The following CADM2 variants were observed in gnomAD, a reference collection of about 807,000 sequenced individuals.
The protein encoded by CADM2 is immunoglobulin superfamily member 4D.
CADM2 carries 12 observed loss-of-function variants against 49.8 expected under a neutral mutation model. The ratio of observed to expected loss-of-function variants is 0.24; its 90% CI spans 0.15 to 0.39. CADM2 has a LOEUF of 0.39. Among genes scored for constraint, CADM2 ranks in the 10% least tolerant of loss-of-function variants. CADM2 has a pLI of 1.00. For missense variants in CADM2, 378 were observed against 492.3 expected (o/e 0.77, Z 2.20); for synonymous variants, 214 against 175.4 (o/e 1.22, Z -1.74).
intron 1 of CADM2, among the ~76,000 whole-genome samples, chr3:85,216,317 A>G (rs558363061): frequency 2.7e-5 from 4 of 147,418 alleles, no homozygotes; most frequent in Non-Finnish European, 6.0e-5. Flanking sequence ...TATTTAACAT[A>G]TTAATATATA....
At chr3:85,897,671 A>G (rs1715440437) in intron 5 of CADM2, among the ~76,000 whole-genome samples, 1 of 152,098 alleles carries the variant, frequency 6.6e-6, no homozygotes, top group Non-Finnish European at 1.5e-5. Flanking sequence ...AGCTTTGTGG[A>G]AACTACTTGA....
At chr3:85,456,627 TATTTATTAATTACTC>T (rs2038002665) in intron 1 of CADM2, among the ~76,000 whole-genome samples, 1 of 152,146 alleles carries the variant, frequency 6.6e-6, no homozygotes, top group Non-Finnish European at 1.5e-5. Context: ...GATAAGATTT[TATTTATTAATTACTC>T]AAATATAAAT....
chr3:85,012,917 G>C (rs2034063705), intron 1 of CADM2, among the ~76,000 whole-genome samples: 1 of 151,554 alleles, frequency 6.6e-6, no homozygotes, highest in Non-Finnish European at 1.5e-5. Context: ...CATTTGCTCT[G>C]TTTTCCATTG....
intron 1 of CADM2, among the ~76,000 whole-genome samples, chr3:85,219,179 C>A (rs779140336): frequency 6.6e-6 from 1 of 152,186 alleles, no homozygotes; most frequent in Non-Finnish European, 1.5e-5. Context: ...TGATCCAACA[C>A]TCCAAATGTA....
chr3:85,662,479 C>G (rs1279561085), intron 1 of CADM2, among the ~76,000 whole-genome samples: 1 of 151,860 alleles, frequency 6.6e-6, no homozygotes, highest in East Asian at 1.9e-4. Context: ...AAATAGAAAA[C>G]TTCTCAAACC....
chr3:85,571,411 T>C lies in CADM2; in HGVS notation c.62-155111T>C, dbSNP rs541314861. On this transcript the variant is annotated intron_variant, in intron 1 of 9. Coordinates refer to ENST00000383699, the MANE Select transcript of CADM2 (RefSeq NM_001167675.2). The stretch of plus-strand genomic sequence containing the variant: ...CTTGCAATTATAATTGTCCAGATGT[T>C]TTTTTTTTCTGCTGAAATTTTGCAG... Among the ~76,000 whole-genome samples the C allele has an allele frequency of 1.3e-3, 199 of 151,566 alleles. 3 individuals are homozygous for C. In the East Asian group the frequency reaches 0.031, roughly 24 times the overall value.
intron 1 of CADM2, among the ~76,000 whole-genome samples, chr3:85,150,642 C>T (rs1010948129): frequency 2.6e-5 from 4 of 151,880 alleles, no homozygotes; most frequent in Admixed American, 6.6e-5. Context: ...TTGTGGCTCA[C>T]GCCTATAATC....
chr3:85,543,799 G>A (rs1199391648), intron 1 of CADM2, among the ~76,000 whole-genome samples: 2 of 152,124 alleles, frequency 1.3e-5, no homozygotes, highest in Non-Finnish European at 2.9e-5. Flanking sequence ...TTTATATAAT[G>A]GCATGTATTG....
intron 1 of CADM2, among the ~76,000 whole-genome samples, chr3:85,662,594 C>G (rs1211600034): frequency 6.6e-6 from 1 of 152,036 alleles, no homozygotes; most frequent in Non-Finnish European, 1.5e-5. Flanking sequence ...GGAGCAACTT[C>G]AGGTCTCTGC....
At chr3:85,562,493 A>AG (rs1382203862) in intron 1 of CADM2, among the ~76,000 whole-genome samples, 1 of 151,302 alleles carries the variant, frequency 6.6e-6, no homozygotes. Context: ...AAAAAAAAAA[A>AG]AAAAAAAAAA....
At chr3:85,874,752 G>A (rs1205294901) in intron 3 of CADM2, among the ~76,000 whole-genome samples, 2 of 152,028 alleles carry the variant, frequency 1.3e-5, no homozygotes, top group African/African-American at 4.8e-5. Context: ...AAACACCTAG[G>A]GAAATACTGT....
intron 1 of CADM2, among the ~76,000 whole-genome samples, chr3:85,107,271 A>C (rs879541116): frequency 1.2e-4 from 18 of 152,192 alleles, no homozygotes; most frequent in Non-Finnish European, 1.5e-4. Flanking sequence ...ATATATATGG[A>C]TATTTCATAA....
At chr3:86,057,373 T>A (rs1315973730) in intron 8 of CADM2, among the ~76,000 whole-genome samples, 1 of 152,146 alleles carries the variant, frequency 6.6e-6, no homozygotes, top group Non-Finnish European at 1.5e-5. Flanking sequence ...AAAGCAGTAA[T>A]TAAGTACATA....
At chr3:86,062,586 T>C (rs1738801133) in intron 8 of CADM2, among the ~76,000 whole-genome samples, 1 of 151,932 alleles carries the variant, frequency 6.6e-6, no homozygotes, top group Non-Finnish European at 1.5e-5. Context: ...GAGACTAGCC[T>C]GGCCAACATG....
chr3:86,009,404 G>GA, intron 8 of CADM2, among the ~76,000 whole-genome samples: 1 of 151,366 alleles, frequency 6.6e-6, no homozygotes, highest in Middle Eastern at 3.4e-3. Flanking sequence ...GAAGGCTTTG[G>GA]AAAATTTATT....
chr3:85,365,325 A>G (rs2032690674), intron 1 of CADM2, among the ~76,000 whole-genome samples: 1 of 151,664 alleles, frequency 6.6e-6, no homozygotes, highest in South Asian at 2.1e-4. Flanking sequence ...CCTGACTGAT[A>G]CAGTTAATGT....
intron 3 of CADM2, among the ~76,000 whole-genome samples, chr3:85,846,199 A>T (rs184584357): frequency 4.6e-5 from 7 of 152,320 alleles, no homozygotes; most frequent in Admixed American, 2.0e-4. Context: ...TAGAGAGATT[A>T]TTGCATTTTT....
intron 1 of CADM2, among the ~76,000 whole-genome samples, chr3:85,181,020 G>A (rs1217108475): frequency 2.0e-5 from 3 of 152,144 alleles, no homozygotes; most frequent in Non-Finnish European, 2.9e-5. Context: ...CTCTGAGAAA[G>A]TTATAAGTAA....
At chr3:85,897,860 GT>G (rs911831434) in intron 5 of CADM2, among the ~76,000 whole-genome samples, 27 of 152,198 alleles carry the variant, frequency 1.8e-4, no homozygotes, top group Non-Finnish European at 3.7e-4. Context: ...AGAGATTTGT[GT>G]CCCCTGAGTT....
Sources: gnomAD v4.1 joint callset for allele counts (sites outside exome capture counted in the v4.1 genomes callset) on GRCh38, gnomAD v4.1.1 for gene constraint, MANE v1.5 for transcripts, NCBI Gene and HGNC (gene_info 2026-07-23, HGNC 2026-07-21) for gene names.